Variants in DCDC2 observed in about 807,000 individuals in gnomAD.
DCDC2 encodes the protein doublecortin domain containing 2.
A neutral mutation model predicts 50.2 loss-of-function variants in DCDC2; 40 were observed. The observed-to-expected ratio is 0.80, with a 90% CI of 0.62 to 1.04. The LOEUF (loss-of-function observed/expected upper bound fraction) is 1.04, where lower values mean the gene tolerates loss of function less well. Among genes scored for constraint, DCDC2 ranks in the 50% least tolerant of loss-of-function variants. The pLI is 0.00. For synonymous variants in DCDC2, 234 were observed against 210.6 expected (o/e 1.11, Z -0.96); for missense variants, 570 against 581.9 (o/e 0.98, Z 0.21).
At chr6:24,360,993 T>C (rs1387677808), upstream of DCDC2, among the ~76,000 whole-genome samples, 1 of 152,194 alleles carries the variant, frequency 6.6e-6, no homozygotes, top group Non-Finnish European at 1.5e-5. Flanking sequence ...AACCCAGTTC[T>C]GTCTTATTCC....
At chr6:24,366,643 C>A in the DCDC2 span, among the ~76,000 whole-genome samples, 2 of 152,140 alleles carry the variant, frequency 1.3e-5, no homozygotes, top group African/African-American at 4.8e-5. Context: ...CCTTGAGGAG[C>A]GTTGAACAGC....
chr6:24,219,075 T>A (rs1762042878), intron 7 of DCDC2, among the ~76,000 whole-genome samples: 2 of 152,136 alleles, frequency 1.3e-5, no homozygotes, highest in Non-Finnish European at 2.9e-5. Context: ...TTTTAAAATA[T>A]TTCCATTGTA....
At chr6:24,335,268 T>C (rs1288266260) in intron 2 of DCDC2, among the ~76,000 whole-genome samples, 1 of 152,126 alleles carries the variant, frequency 6.6e-6, no homozygotes, top group African/African-American at 2.4e-5. Flanking sequence ...ACCAGGCAAA[T>C]GTGCCCTGTG....
chr6:24,287,679 AG>A (rs2113827522), intron 6 of DCDC2, among the ~76,000 whole-genome samples: 1 of 152,286 alleles, frequency 6.6e-6, no homozygotes, highest in South Asian at 2.1e-4. Flanking sequence ...TTGGATCTGA[AG>A]GTCCTCTCCC....
chr6:24,375,205 T>C, the DCDC2 span, among the ~76,000 whole-genome samples: 1 of 152,078 alleles, frequency 6.6e-6, no homozygotes, highest in Non-Finnish European at 1.5e-5. Flanking sequence ...GGAGCTCCCC[T>C]CCCTGTGGAA....
chr6:24,351,395 C>T (rs1760369895), intron 2 of DCDC2, among the ~76,000 whole-genome samples: 1 of 152,158 alleles, frequency 6.6e-6, no homozygotes, highest in Non-Finnish European at 1.5e-5. Context: ...AGTGGGAAAG[C>T]TGGGCATGAG....
intron 7 of DCDC2, among the ~76,000 whole-genome samples, chr6:24,248,117 C>T (rs989813485): frequency 7.2e-5 from 11 of 152,042 alleles, no homozygotes; most frequent in South Asian, 2.1e-4. Context: ...AATGTTCTAA[C>T]GTTCTTTAAC....
chr6:24,356,211 G>A (rs1760464379), intron 1 of DCDC2, among the ~76,000 whole-genome samples: 1 of 152,090 alleles, frequency 6.6e-6, no homozygotes, highest in Non-Finnish European at 1.5e-5. Context: ...CCCAAATCAT[G>A]GAATGTTATT....
At chr6:24,249,653 T>C (rs1057231984) in intron 7 of DCDC2, among the ~76,000 whole-genome samples, 22 of 152,166 alleles carry the variant, frequency 1.4e-4, no homozygotes, top group African/African-American at 5.1e-4. Context: ...CATTAAGAGA[T>C]GGGGAGTAAA....
rs924054748 is a variant in DCDC2, at chr6:24,172,579, G to A, written c.*2151C>T. The stretch of plus-strand genomic sequence containing the variant: ...AGAGAAAGAGAAACTCTCCATTGAA[G>A]AAACAAAAGAGAATCACCTTGATAA... On this transcript the variant is annotated 3_prime_UTR_variant, in exon 10 of 10. Coordinates refer to ENST00000378454, the MANE Select transcript of DCDC2 (RefSeq NM_016356.5). 1 of 152,124 alleles carries A rather than the reference G, an allele frequency of 6.6e-6. No homozygotes were observed. The highest frequency in any genetic ancestry group is 1.5e-5 in the Non-Finnish European group (1 of 67,998). 9.4% of individuals were successfully genotyped at this position (152,124 alleles called of 1,614,324 possible).
chr6:24,232,647 TA>T (rs1358643796), intron 7 of DCDC2, among the ~76,000 whole-genome samples: 2 of 152,200 alleles, frequency 1.3e-5, no homozygotes, highest in African/African-American at 4.8e-5. Flanking sequence ...TAATTTACAA[TA>T]GGCTATATCT....
intron 7 of DCDC2, among the ~76,000 whole-genome samples, chr6:24,257,881 G>A (rs112631162): frequency 9.9e-5 from 15 of 152,274 alleles, no homozygotes; most frequent in African/African-American, 3.6e-4. Flanking sequence ...GGATGGTCAG[G>A]AAGGACCAGA....
chr6:24,382,641 G>C, the DCDC2 span, among the ~76,000 whole-genome samples: 1 of 152,146 alleles, frequency 6.6e-6, no homozygotes, highest in Admixed American at 6.5e-5. Flanking sequence ...AATGAAACTG[G>C]ATTCACCCTG....
chr6:24,219,254 ATAAGT>A (rs1762047556), intron 7 of DCDC2, among the ~76,000 whole-genome samples: 1 of 152,232 alleles, frequency 6.6e-6, no homozygotes, highest in African/African-American at 2.4e-5. Flanking sequence ...ACAGCAAGAT[ATAAGT>A]TAATAATGAT....
chr6:24,316,975 G>GTATATACA (rs1040273703), intron 2 of DCDC2, among the ~76,000 whole-genome samples: 3 of 149,972 alleles, frequency 2.0e-5, no homozygotes, highest in Non-Finnish European at 4.4e-5. Flanking sequence ...ATACATATGT[G>GTATATACA]TATATACATA....
intron 4 of DCDC2, among the ~76,000 whole-genome samples, chr6:24,301,072 T>C (rs1759360517): frequency 6.8e-6 from 1 of 146,468 alleles, no homozygotes. Context: ...AAACGGACAA[T>C]TAAGAGTTAA....
At chr6:24,278,664 A>G (rs1685815439) in intron 6 of DCDC2, among the ~76,000 whole-genome samples, 1 of 152,162 alleles carries the variant, frequency 6.6e-6, no homozygotes, top group South Asian at 2.1e-4. Flanking sequence ...CTGCCTTAAC[A>G]ATCCTCTCAC....
intron 4 of DCDC2, among the ~76,000 whole-genome samples, chr6:24,299,150 C>T (rs768501283): frequency 2.2e-4 from 34 of 152,146 alleles, no homozygotes; most frequent in Admixed American, 2.0e-3. Flanking sequence ...TGGAATACTA[C>T]GCAGCCAGGA....
chr6:24,351,089 AG>A (rs796884353), intron 2 of DCDC2, among the ~76,000 whole-genome samples: 6 of 152,358 alleles, frequency 3.9e-5, no homozygotes, highest in African/African-American at 1.4e-4. Flanking sequence ...TACCTAAAAC[AG>A]CCGTAAAAAT....
Sources: gnomAD v4.1 joint callset for allele counts (sites outside exome capture counted in the v4.1 genomes callset) on GRCh38, gnomAD v4.1.1 for gene constraint, MANE v1.5 for transcripts, NCBI Gene and HGNC (gene_info 2026-07-23, HGNC 2026-07-21) for gene names.